USP40: variants seen among roughly 807,000 people sequenced by gnomAD.
USP40 encodes ubiquitin carboxyl-terminal hydrolase 40.
USP40 carries 143 observed loss-of-function variants against 166.2 expected under a neutral mutation model. The observed-to-expected ratio is 0.86, with a 90% confidence interval of 0.75 to 0.99. The LOEUF (loss-of-function observed/expected upper bound fraction) is 0.99, where lower values mean the gene tolerates loss of function less well. USP40 is among the 50% of genes least tolerant of loss of function. The pLI, the probability that USP40 is intolerant of heterozygous loss-of-function variation, is 0.00. For synonymous variants in USP40, 498 were observed against 524.0 expected (o/e 0.95, Z 0.68); for missense variants, 1,444 against 1,479.7 (o/e 0.98, Z 0.40).
rs1297136308 is a variant in USP40, at chr2:233,493,565, C to T, written c.2791-14G>A. The T allele has an allele frequency of 1.2e-6, 2 of 1,605,406 alleles. No individual in the cohort carries two copies. The highest frequency in any genetic ancestry group is 1.7e-5 in the Admixed American group (1 of 58,744). ...CTTCAGGAAACCCTGAAGAATGGAG[C>T]ATGTTTAACTGCTGTGATTACAAAG... On this transcript the variant is annotated splice_polypyrimidine_tract_variant and intron_variant, in intron 24 of 31. Coordinates refer to ENST00000678225, the MANE Select transcript of USP40 (RefSeq NM_001365479.2). This position sits in a 1 kb window ranked among gnomAD's most constrained non-coding sequence, Gnocchi z 4.7.
Position 233,527,458 on chromosome 2 carries a change from C to A in USP40, c.1674G>T (p.Leu558Phe). The A allele has an allele frequency of 6.2e-7, 1 of 1,613,666 alleles. No homozygotes were observed. Among genetic ancestry groups the A allele is most frequent in the Non-Finnish European group, 8.5e-7 (1 of 1,179,802 alleles). The change falls in exon 13 of 32, where the codon TTG becomes TTT. Residue 558 changes from leucine to phenylalanine, a missense_variant. Leu to Phe is a conservative substitution (Grantham distance 22). Transcript: ENST00000678225. Reference protein sequence around the residue: ...VVSQTESVWDLTFDKRKTLGD... With the variant: ...VVSQTESVWDFTFDKRKTLGD... ...CTAAAGTTTTTCTTTTATCAAAGGT[C>A]AAATCCCACACGCTTTCTGTTTGAG... is the stretch of plus-strand genomic sequence containing the variant.
At chr2:233,522,153 G>A (rs182741103) in intron 16 of USP40, among the ~76,000 whole-genome samples, 6 of 152,274 alleles carry the variant, frequency 3.9e-5, no homozygotes, top group Admixed American at 2.6e-4. Context: ...AAATCTCAAG[G>A]TTGGGCAGGG....
At chr2:233,530,941 G>GA (rs1397478926) in intron 11 of USP40, among the ~76,000 whole-genome samples, 1 of 152,050 alleles carries the variant, frequency 6.6e-6, no homozygotes, top group East Asian at 1.9e-4. Context: ...TTTATGCTTA[G>GA]AAAGGTTTTC....
rs552929550 is a variant in USP40 at position 233,540,087 on chromosome 2, T to C, written c.1170+575A>G. 2.6e-3 allele frequency among the ~76,000 whole-genome samples: 362 copies of C among 140,478 alleles called. 2 individuals are homozygous for C. Among genetic ancestry groups the C allele is most frequent in the African/African-American group, 9.6e-3 (356 of 37,050 alleles). 92.2% of individuals were successfully genotyped at this position (140,478 alleles called of 152,430 possible). ...TTGCAGTGAGCTGAGGTCGTGCCGC[T>C]GCACTCCAGCCTGGGCGACAGAGTG... is the stretch of plus-strand genomic sequence containing the variant. On this transcript the variant is annotated intron_variant, in intron 10 of 31. Transcript: ENST00000678225.
At position 233,527,540 on chromosome 2, in the gene USP40, T is replaced by C. The variant is rs768503394; in HGVS notation, c.1592A>G (p.His531Arg). 1.2e-6 allele frequency: 2 copies of C among 1,612,330 alleles called. No homozygotes were observed. Among genetic ancestry groups the C allele is most frequent in the African/African-American group, 2.7e-5 (2 of 74,848 alleles). The change falls in exon 13 of 32, where the codon CAT becomes CGT. Residue 531 changes from histidine (H) to arginine (R), a missense_variant. Coordinates refer to ENST00000678225, the MANE Select transcript of USP40 (RefSeq NM_001365479.2). ...ATGATACTGAGGGCCCAGGTGAAGA[T>C]GCAATTCAAAAGTATTGTTTGCAGA... The part of the protein sequence containing the change: ...CDSANNTFEL[H>R]LHLGPQYHFF...
Position 233,527,532 on chromosome 2 carries a change from G to C in USP40, c.1600C>G (p.Leu534Val), listed in dbSNP as rs201347288. 1.6e-4 allele frequency: 252 copies of C among 1,612,624 alleles called. No homozygotes were observed. The highest frequency in any genetic ancestry group is 2.8e-4 in the Admixed American group (17 of 59,758). The change falls in exon 13 of 32, where the codon CTG becomes GTG. Residue 534 changes from leucine (L) to valine (V), a missense_variant. Physicochemically the swap from Leu to Val is conservative, Grantham distance 32. Transcript: ENST00000678225. Reference protein sequence around the residue: ...ANNTFELHLHLGPQYHFFNGA... With the variant: ...ANNTFELHLHVGPQYHFFNGA... ...TTGAAGAAATGATACTGAGGGCCCAGGTGAAGATGCAATTCAAAAGTATTG... is the reference window on the plus strand; with the variant it reads ...TTGAAGAAATGATACTGAGGGCCCACGTGAAGATGCAATTCAAAAGTATTG...
intron 2 of USP40, among the ~76,000 whole-genome samples, chr2:233,563,791 A>G (rs2071879189): frequency 6.6e-6 from 1 of 152,124 alleles, no homozygotes; most frequent in African/African-American, 2.4e-5. Flanking sequence ...AGCAGTGCAC[A>G]TTGTGCACTA....
rs2070870596 is a variant in USP40, at chr2:233,554,500, T to A, written c.573A>T (p.Ala191=). The part of the protein sequence containing the change: ...RQEDFLDLTV[A]VKNVSGLEDA... ...CTTCCAAACCGGATACATTTTTGAC[T>A]GCTACTGTTAGATCTAAGAAGTCTT... is the stretch of plus-strand genomic sequence containing the variant. The change falls in exon 6 of 32, where the codon GCA becomes GCT. Residue 191 remains alanine, a synonymous_variant. Transcript: ENST00000678225. 6.2e-7 allele frequency: 1 copy of A among 1,610,698 alleles called. No individual in the cohort carries two copies. The highest frequency in any genetic ancestry group is 1.3e-5 in the African/African-American group (1 of 74,700).
Position 233,556,979 on chromosome 2 carries a change from A to G in USP40, c.422T>C (p.Leu141Pro), listed in dbSNP as rs1259354906. 6.2e-7 allele frequency: 1 copy of G among 1,613,858 alleles called. No individual in the cohort carries two copies. The highest frequency in any genetic ancestry group is 1.7e-5 in the Admixed American group (1 of 60,004). Residue 141 changes from leucine to proline, a missense_variant, in exon 5 of 32, where the codon CTC (leucine) becomes CCC (proline). Physicochemically the swap from Leu to Pro is moderately conservative, Grantham distance 98. Transcript: ENST00000678225. The part of the protein sequence containing the change: ...QHDVQELNRI[L>P]FSALETSLVG... ...TAAAGAAGTTTCCAAAGCGCTGAAGAGGATTCGATTCAGTTCCTGCACATC... is the reference window on the plus strand; with the variant it reads ...TAAAGAAGTTTCCAAAGCGCTGAAGGGGATTCGATTCAGTTCCTGCACATC...
intron 2 of USP40, among the ~76,000 whole-genome samples, chr2:233,564,351 A>G (rs1398922696): frequency 6.6e-6 from 1 of 152,162 alleles, no homozygotes; most frequent in East Asian, 1.9e-4. Flanking sequence ...CTACAAAGCC[A>G]TGTAGTGCTG....
At chr2:233,507,046 T>A (rs1172935547) in intron 21 of USP40, among the ~76,000 whole-genome samples, 2 of 151,822 alleles carry the variant, frequency 1.3e-5, no homozygotes, top group Non-Finnish European at 2.9e-5. Context: ...GACATACAAA[T>A]GGCCAACAGG....
chr2:233,542,509 A>G, intron 8 of USP40, 146 bp from the exon 9 acceptor site: 1 of 560,276 alleles, frequency 1.8e-6, no homozygotes, highest in Non-Finnish European at 3.2e-6. Flanking sequence ...CAGGAGTTCA[A>G]GACCAGCCTG....
Position 233,477,283 on chromosome 2 carries a change from G to C in USP40, c.*109C>G. ...GCCGTCCCTGTGCTCAAAGGAAGCA[G>C]AGGATTTGGGATTGGAGGCGCCAGG... is the stretch of plus-strand genomic sequence containing the variant. On this transcript the variant is annotated 3_prime_UTR_variant, in exon 32 of 32. Coordinates refer to ENST00000678225, the MANE Select transcript of USP40 (RefSeq NM_001365479.2). 1.0e-6 allele frequency: 1 copy of C among 981,934 alleles called. No individual in the cohort carries two copies. Among genetic ancestry groups the C allele is most frequent in the Non-Finnish European group, 1.6e-6 (1 of 642,200 alleles). The allele number at this position is 981,934 out of a possible 1,614,324, so 60.8% of individuals were successfully genotyped here. A position where few individuals can be genotyped will look rare whatever the true frequency, so the allele number is the denominator to read the frequency against.
In USP40 at chr2:233,540,646, C is replaced by CTTT; in HGVS notation, c.1170+15_1170+16insAAA. On this transcript the variant is annotated intron_variant, in intron 10 of 31. Transcript: ENST00000678225. Reference sequence around the variant, plus strand: ...TTCTTGGGACTAGGACTTCCCAAAACGATGCCATGTATTACCTTCCGCAGT... The same window carrying CTTT: ...TTCTTGGGACTAGGACTTCCCAAAACTTTGATGCCATGTATTACCTTCCGCAGT... 6.4e-7 allele frequency: 1 copy of CTTT among 1,567,008 alleles called. No individual in the cohort carries two copies. Among genetic ancestry groups the CTTT allele is most frequent in the East Asian group, 2.3e-5 (1 of 44,220 alleles).
intron 20 of USP40, among the ~76,000 whole-genome samples, chr2:233,511,017 G>T (rs1040100039): frequency 6.6e-6 from 1 of 152,154 alleles, no homozygotes; most frequent in African/African-American, 2.4e-5. Context: ...AAGTTAAGGG[G>T]GAAGTGGTTG....
At chr2:233,527,817 T>G (rs2068151038) in intron 12 of USP40, among the ~76,000 whole-genome samples, 1 of 151,656 alleles carries the variant, frequency 6.6e-6, no homozygotes, top group Non-Finnish European at 1.5e-5. Flanking sequence ...TAACTCCATT[T>G]CTCTGAACAA....
At chr2:233,521,801 TAAAAC>T (rs1219633551) in intron 16 of USP40, among the ~76,000 whole-genome samples, 1 of 152,146 alleles carries the variant, frequency 6.6e-6, no homozygotes, top group Non-Finnish European at 1.5e-5. Flanking sequence ...CAATCCCAAA[TAAAAC>T]AAAGTATGAA....
chr2:233,502,220 T>C (rs73997638), intron 21 of USP40, among the ~76,000 whole-genome samples: 4,676 of 152,230 alleles, frequency 0.031, 224 homozygotes, highest in African/African-American at 0.11. Flanking sequence ...GTTTCTTTCC[T>C]TGAAATTAAA....
chr2:233,511,946 TA>T, intron 19 of USP40, 149 bp from the exon 20 acceptor site: 1 of 602,248 alleles, frequency 1.7e-6, no homozygotes, highest in Non-Finnish European at 2.8e-6. Context: ...TTACATGCAC[TA>T]AGATTAGGTT....
Sources: allele counts gnomAD v4.1 joint callset (sites outside exome capture counted in the v4.1 genomes callset), GRCh38; gene constraint gnomAD v4.1.1; non-coding constraint Gnocchi (gnomAD v3.1); transcripts MANE v1.5; gene names NCBI Gene and HGNC (gene_info 2026-07-23, HGNC 2026-07-21).